The following ITIH4 variants were observed in gnomAD, a reference collection of about 807,000 sequenced individuals.
ITIH4 encodes the protein inter-alpha-trypsin inhibitor heavy chain H4.
ITIH4 carries 79 observed loss-of-function variants against 111.8 expected under a neutral mutation model. The observed-to-expected ratio is 0.71, with a 90% CI of 0.59 to 0.85. The LOEUF is 0.85. ITIH4 is among the 40% of genes least tolerant of loss of function. The probability of loss-of-function intolerance (pLI) is 0.00; values close to 1 mark genes in which losing one functional copy is unlikely to be tolerated. For missense variants in ITIH4, 1,065 were observed against 1,195.8 expected (o/e 0.89, Z 1.61); for synonymous variants, 472 against 468.3 (o/e 1.01, Z -0.10).
At chr3:52,819,641 G>GGCCAACTT (rs1559479238) in intron 16 of ITIH4, 113 bp downstream of exon 16, 1 of 1,571,536 alleles carries the variant, frequency 6.4e-7, no homozygotes, top group Non-Finnish European at 8.7e-7. Context: ...CCCCACACCC[G>GGCCAACTT]GCCAACTTGG....
chr3:52,825,431 G>GA (rs57121229), intron 6 of ITIH4: 62,630 of 138,222 alleles, frequency 0.45, 14,479 homozygotes, highest in African/African-American at 0.6. Flanking sequence ...GTCTCTACTG[G>GA]AAAAAAAAAA....
chr3:52,825,288 T>TCTG, intron 6 of ITIH4: 1 of 176,130 alleles, frequency 5.7e-6, no homozygotes, highest in South Asian at 1.9e-4. Flanking sequence ...AAACATGGAG[T>TCTG]AAAAGGGAAG....
chr3:52,827,246 A>G lies in ITIH4; in HGVS notation c.252-49T>C, dbSNP rs762790982. 7 of 1,441,478 alleles carry G rather than the reference A, an allele frequency of 4.9e-6. No homozygotes were observed. The East Asian group carries it at 1.6e-4, about 33-fold the overall frequency. The allele number at this position is 1,441,478 out of a possible 1,614,324, so 89.3% of individuals were successfully genotyped here. A position where few individuals can be genotyped will look rare whatever the true frequency, so the allele number is the denominator to read the frequency against. On this transcript the variant is annotated intron_variant, in intron 2 of 23. Transcript: ENST00000266041. ...GTTGAGAGCCTGGTGGCAGGGGCCC[A>G]TTCCACTCCTGCCTCCTCCAGAGAG...
chr3:52,816,548 C>T (rs959498279), intron 21 of ITIH4, among the ~76,000 whole-genome samples: 2 of 152,184 alleles, frequency 1.3e-5, no homozygotes, highest in Non-Finnish European at 2.9e-5. Flanking sequence ...CCTTCTGACT[C>T]TGGGCCAGGA....
chr3:52,824,539 C>T lies in ITIH4; in HGVS notation c.903G>A (p.Leu301=). 6.2e-7 allele frequency: 1 copy of T among 1,613,496 alleles called. No individual in the cohort carries two copies. The highest frequency in any genetic ancestry group is 8.5e-7 in the Non-Finnish European group (1 of 1,179,916). ...QQTREALIKI[L]DDLSPRDQFN... is the part of the protein sequence containing the mutation. Reference sequence around the variant, plus strand: ...ACTGGTCTCTGGGGCTGAGGTCATCCAGGATCTTGATTAGGGCTTCCCGGG... The same window carrying T: ...ACTGGTCTCTGGGGCTGAGGTCATCTAGGATCTTGATTAGGGCTTCCCGGG... The change falls in exon 8 of 24, where the codon CTG becomes CTA. Residue 301 remains leucine, a synonymous_variant. Coordinates refer to ENST00000266041, the MANE Select transcript of ITIH4 (RefSeq NM_002218.5). The surrounding 1 kb of genome is among the most constrained non-coding windows in gnomAD (Gnocchi z 4.3).
At chr3:52,829,052 G>T in intron 2 of ITIH4, 67 bp downstream of exon 2, 2 of 1,405,372 alleles carry the variant, frequency 1.4e-6, no homozygotes, top group South Asian at 1.4e-5. Flanking sequence ...AGGGTTTGCT[G>T]GCACAGAGCG....
chr3:52,824,206 A>G lies in ITIH4; in HGVS notation c.1155T>C (p.Asp385=), dbSNP rs147858832. The G allele has an allele frequency of 2.1e-4, 333 of 1,613,272 alleles. 1 individual carries two copies. Among genetic ancestry groups the G allele is most frequent in the Admixed American group, 2.7e-4 (16 of 59,990 alleles). ...GSVSLIILLT[D]GDPTVGETNP... ...GGCCCTCACCCACAGTGGGGTCGCC[A>G]TCGGTGAGCAGGATGATGAGTGAGA... Residue 385 remains aspartate, a synonymous_variant, in exon 9 of 24, where the codon GAT becomes GAC. Coordinates refer to ENST00000266041, the MANE Select transcript of ITIH4 (RefSeq NM_002218.5). The surrounding 1 kb of genome is among the most constrained non-coding windows in gnomAD (Gnocchi z 4.3).
Position 52,829,268 on chromosome 3 carries a change from G to T in ITIH4, c.102C>A (p.Asp34Glu), listed in dbSNP as rs1578783851. Residue 34 changes from aspartate to glutamate, a missense_variant, in exon 2 of 24, where the codon GAC becomes GAA. Asp to Glu is a conservative substitution (Grantham distance 45). Coordinates refer to ENST00000266041, the MANE Select transcript of ITIH4 (RefSeq NM_002218.5). Reference protein sequence around the residue: ...QTTTAEKNGIDIYSLTVDSRV... With the variant: ...QTTTAEKNGIEIYSLTVDSRV... The stretch of plus-strand genomic sequence containing the variant: ...TGGAGTCCACGGTGAGGCTGTAGAT[G>T]TCGATGCCATTCTGGACCAGCAAAG... 6.2e-7 allele frequency: 1 copy of T among 1,610,186 alleles called. No individual in the cohort carries two copies.
At chr3:52,817,985 GTC>G in intron 20 of ITIH4, 65 bp downstream of exon 20, 1 of 1,216,856 alleles carries the variant, frequency 8.2e-7, no homozygotes, top group Non-Finnish European at 1.2e-6. Context: ...CGCTGTGTGT[GTC>G]TCTGTAGGCA....
In ITIH4 at chr3:52,818,126, T is replaced by A. The variant is rs764417940; in HGVS notation, c.2222A>T (p.Gln741Leu). 1.2e-5 allele frequency: 20 copies of A among 1,613,656 alleles called. No homozygotes were observed. The Admixed American group carries it at 3.3e-4, about 27-fold the overall frequency. The change falls in exon 20 of 24, where the codon CAG (glutamine) becomes CTG (leucine). Residue 741 changes from glutamine to leucine, a missense_variant. Transcript: ENST00000266041. The stretch of plus-strand genomic sequence containing the variant: ...GTCCACACAGAGCCGCTCCACACTC[T>A]GCCCAGGCAGTGGCAGGATGGCAGA... ...APSAILPLPG[Q>L]SVERLCVDPR...
Position 52,826,878 on chromosome 3 carries a change from C to T in ITIH4, c.432G>A (p.Leu144=), listed in dbSNP as rs766217987. The T allele has an allele frequency of 3.1e-6, 5 of 1,614,108 alleles. No homozygotes were observed. In the South Asian group the frequency reaches 5.5e-5, roughly 18 times the overall value. Reference sequence around the variant, plus strand: ...GCCGCTTGAGCAGCTCCTCATAGACCAGCTCAAAGGTGATCTTGGCATTGG... The same window carrying T: ...GCCGCTTGAGCAGCTCCTCATAGACTAGCTCAAAGGTGATCTTGGCATTGG... The part of the protein sequence containing the change: ...VAPNAKITFE[L]VYEELLKRRL... The change falls in exon 4 of 24, where the codon CTG becomes CTA. Residue 144 remains leucine, a synonymous_variant. Transcript: ENST00000266041.
intron 11 of ITIH4, among the ~76,000 whole-genome samples, chr3:52,821,852 C>A (rs540617316): frequency 6.6e-6 from 1 of 152,196 alleles, no homozygotes; most frequent in African/African-American, 2.4e-5. Flanking sequence ...TTTCACAGTG[C>A]GGATCAGATC....
At chr3:52,813,585 C>T (rs2071044) in intron 23 of ITIH4, 95 bp from the exon 24 acceptor site, 520,168 of 1,082,022 alleles carry the variant, frequency 0.48, 129,830 homozygotes, top group African/African-American at 0.73. Flanking sequence ...ACATGGAGGG[C>T]AGGGAGTCCT....
chr3:52,830,504 G>C (rs768940493), intron 1 of ITIH4, 49 bp downstream of exon 1: 4 of 1,549,408 alleles, frequency 2.6e-6, no homozygotes, highest in Non-Finnish European at 3.6e-6. Flanking sequence ...CCACTTCCCA[G>C]GCGTTCTCTC....
Position 52,824,482 on chromosome 3 carries a change from A to C in ITIH4, c.960T>G (p.Thr320=), listed in dbSNP as rs1269173083. Residue 320 remains threonine (T), a synonymous_variant, in exon 8 of 24, where the codon ACT becomes ACG. Coordinates refer to ENST00000266041, the MANE Select transcript of ITIH4 (RefSeq NM_002218.5). This position sits in a 1 kb window ranked among gnomAD's most constrained non-coding sequence, Gnocchi z 4.3. ...FNLIVFSTEA[T]QWRPSLVPAS... ...CTGGCACCAGTGATGGCCTCCACTG[A>C]GTTGCTTCTGTACTGAAGACGATGA... The C allele has an allele frequency of 6.2e-7, 1 of 1,614,070 alleles. No homozygotes were observed. Among genetic ancestry groups the C allele is most frequent in the Non-Finnish European group, 8.5e-7 (1 of 1,179,990 alleles).
chr3:52,814,200 G>A lies in ITIH4; in HGVS notation c.2626+9C>T. The A allele has an allele frequency of 6.2e-7, 1 of 1,612,138 alleles. No homozygotes were observed. The highest frequency in any genetic ancestry group is 8.5e-7 in the Non-Finnish European group (1 of 1,179,248). On this transcript the variant is annotated intron_variant, in intron 22 of 23. Transcript: ENST00000266041. ...AGGAAGGCCTGGGCCCCGGTAATGGGCTCAGTACCAAGGGTCCCTCCAACG... is the reference window on the plus strand; with the variant it reads ...AGGAAGGCCTGGGCCCCGGTAATGGACTCAGTACCAAGGGTCCCTCCAACG...
Position 52,813,487 on chromosome 3 carries a change from C to G in ITIH4, c.2727G>C (p.Glu909Asp). ...VQGNDHSATR[E>D]RRLDYQEGPP... Reference sequence around the variant, plus strand: ...GCCCCTCCTGGTAATCCAGCCTGCGCTCTCTGAAATGGAAAGACAGACAGA... The same window carrying G: ...GCCCCTCCTGGTAATCCAGCCTGCGGTCTCTGAAATGGAAAGACAGACAGA... The change falls in exon 24 of 24, where the codon GAG (glutamate) becomes GAC (aspartate). Residue 909 changes from glutamate (E) to aspartate (D), a missense_variant. Coordinates refer to ENST00000266041, the MANE Select transcript of ITIH4 (RefSeq NM_002218.5). The G allele has an allele frequency of 6.2e-7, 1 of 1,613,946 alleles. No homozygotes were observed.
Position 52,830,580 on chromosome 3 carries a change from G to T in ITIH4, c.63C>A (p.Ala21=). The change falls in exon 1 of 24, where the codon GCC becomes GCA. Residue 21 remains alanine, a synonymous_variant. Transcript: ENST00000266041. ...SKVLVLLSLL[A]IHQTTTAEKN... Reference sequence around the variant, plus strand: ...TTTCGGCAGTAGTAGTCTGGTGGATGGCCAGCAGTGAAAGCAGGACGAGAA... The same window carrying T: ...TTTCGGCAGTAGTAGTCTGGTGGATTGCCAGCAGTGAAAGCAGGACGAGAA... 1 of 1,614,188 alleles carries T rather than the reference G, an allele frequency of 6.2e-7. No homozygotes were observed. The highest frequency in any genetic ancestry group is 8.5e-7 in the Non-Finnish European group (1 of 1,180,004).
At position 52,818,995 on chromosome 3, in the gene ITIH4, T is replaced by C. The variant is rs563685072; in HGVS notation, c.2077+398A>G. The C allele has an allele frequency of 9.8e-4, 290 of 295,812 alleles. 3 individuals are homozygous for C. The highest frequency in any genetic ancestry group is 6.0e-3 in the African/African-American group (276 of 46,030). The allele number at this position is 295,812 out of a possible 1,614,324, so 18.3% of individuals were successfully genotyped here. A position where few individuals can be genotyped will look rare whatever the true frequency, so the allele number is the denominator to read the frequency against. On this transcript the variant is annotated intron_variant, in intron 17 of 23. Coordinates refer to ENST00000266041, the MANE Select transcript of ITIH4 (RefSeq NM_002218.5). ...GCTCCAAAGAGCGCTGTGATGTGCA[T>C]GCTTGGCCAGTCCGTGCCCCTCTTA...
Sources: gnomAD v4.1 joint callset for allele counts (sites outside exome capture counted in the v4.1 genomes callset) on GRCh38, gnomAD v4.1.1 for gene constraint, Gnocchi (gnomAD v3.1) non-coding constraint, MANE v1.5 for transcripts, NCBI Gene and HGNC (gene_info 2026-07-23, HGNC 2026-07-21) for gene names.